TAF3: variants seen among roughly 807,000 people sequenced by gnomAD.
The protein encoded by TAF3 is transcription initiation factor TFIID subunit 3.
Under a neutral mutation model 80.6 loss-of-function variants are expected in TAF3, and 7 were observed. That is an observed-to-expected ratio of 0.09 (90% CI 0.05 to 0.16). The LOEUF (loss-of-function observed/expected upper bound fraction) is 0.16. Among genes scored for constraint, TAF3 ranks in the 10% least tolerant of loss-of-function variants. The pLI, the probability that TAF3 is intolerant of heterozygous loss-of-function variation, is 1.00. For missense variants in TAF3, 921 were observed against 1,140.2 expected (o/e 0.81, Z 2.77); for synonymous variants, 444 against 446.1 (o/e 1.00, Z 0.06).
At chr10:7,843,529 A>T (rs1389108669) in intron 2 of TAF3, among the ~76,000 whole-genome samples, 1 of 152,046 alleles carries the variant, frequency 6.6e-6, no homozygotes, top group African/African-American at 2.4e-5. Context: ...CATATTGAAG[A>T]TGTTTTATTT....
At chr10:7,957,317 G>T (rs1393203407) in intron 2 of TAF3, among the ~76,000 whole-genome samples, 2 of 152,138 alleles carry the variant, frequency 1.3e-5, no homozygotes, top group African/African-American at 4.8e-5. Flanking sequence ...AGACGGCTGA[G>T]GTGAATTCAC....
At chr10:7,986,293 A>G (rs368245940) in intron 4 of TAF3, among the ~76,000 whole-genome samples, 3 of 152,164 alleles carry the variant, frequency 2.0e-5, no homozygotes, top group Admixed American at 6.5e-5. Flanking sequence ...TAATCTGCCA[A>G]GTTACTGGAA....
At chr10:7,909,038 G>A (rs906972406) in intron 2 of TAF3, among the ~76,000 whole-genome samples, 2 of 152,240 alleles carry the variant, frequency 1.3e-5, no homozygotes, top group Non-Finnish European at 1.5e-5. Flanking sequence ...CAAAGGTCAG[G>A]AGGGAGACAT....
intron 2 of TAF3, among the ~76,000 whole-genome samples, chr10:7,962,716 C>G (rs1012227455): frequency 6.6e-6 from 1 of 152,220 alleles, no homozygotes; most frequent in Non-Finnish European, 1.5e-5. Context: ...CATGATTGAC[C>G]TCGCTGAGAT....
intron 4 of TAF3, among the ~76,000 whole-genome samples, chr10:7,979,284 C>G (rs1355676602): frequency 6.8e-6 from 1 of 146,282 alleles, no homozygotes; most frequent in African/African-American, 2.5e-5. Context: ...GCGGAGCTTT[C>G]TGTGAGCTGA....
intron 2 of TAF3, among the ~76,000 whole-genome samples, chr10:7,832,645 G>GTT (rs1183639446): frequency 6.6e-6 from 1 of 152,136 alleles, no homozygotes; most frequent in Non-Finnish European, 1.5e-5. Flanking sequence ...CTAGGTTCAA[G>GTT]TTTAAGTGAT....
intron 3 of TAF3, among the ~76,000 whole-genome samples, 174 bp from the exon 4 acceptor site, chr10:7,977,067 C>T (rs1171356894): frequency 6.6e-6 from 1 of 152,160 alleles, no homozygotes; most frequent in East Asian, 1.9e-4. Flanking sequence ...TCTCATGATG[C>T]CAGGTAGCCT....
chr10:8,013,753 A>G lies in TAF3; in HGVS notation c.2591A>G (p.Gln864Arg). Residue 864 changes from glutamine to arginine, a missense_variant, in exon 6 of 7, where the codon CAG becomes CGG. Coordinates refer to ENST00000344293, the MANE Select transcript of TAF3 (RefSeq NM_031923.4). ...TYVIRDEWGN[Q>R]IWICPGCNKP... ...CAGATCCGAGATGAGTGGGGCAATC[A>G]GATCTGGATCTGCCCTGGGTGTAAC... 6.2e-7 allele frequency: 1 copy of G among 1,614,012 alleles called. No homozygotes were observed. Among genetic ancestry groups the G allele is most frequent in the Non-Finnish European group, 8.5e-7 (1 of 1,179,984 alleles).
At position 7,884,392 on chromosome 10, in the gene TAF3, CT is replaced by C. The variant is rs61498355; in HGVS notation, c.409+59843del. ...CCGTTTCTCCAAAGAGCTCTGCCTC[CT>C]TTTTTTTTTTGAGATGGAGTTTTGC... On this transcript the variant is annotated intron_variant, in intron 2 of 6. Coordinates refer to ENST00000344293, the MANE Select transcript of TAF3 (RefSeq NM_031923.4). Among the ~76,000 whole-genome samples the C allele has an allele frequency of 2.7e-3, 324 of 120,436 alleles. 7 individuals carry two copies. The highest frequency in any genetic ancestry group is 7.8e-3 in the African/African-American group (274 of 35,012). The allele number at this position is 120,436 out of a possible 152,430, so 79.0% of individuals were successfully genotyped here. A position where few individuals can be genotyped will look rare whatever the true frequency, so the allele number is the denominator to read the frequency against.
chr10:7,882,608 G>A (rs1174354368), intron 2 of TAF3, among the ~76,000 whole-genome samples: 1 of 152,142 alleles, frequency 6.6e-6, no homozygotes, highest in Non-Finnish European at 1.5e-5. Context: ...GGGTATACTT[G>A]GACTCAACAT....
intron 2 of TAF3, among the ~76,000 whole-genome samples, chr10:7,935,926 G>T (rs1285172647): frequency 6.6e-6 from 1 of 152,144 alleles, no homozygotes; most frequent in Non-Finnish European, 1.5e-5. Flanking sequence ...GGGAAGCTCG[G>T]GGAAGCCCTG....
At chr10:7,915,599 C>T (rs1285553148) in intron 2 of TAF3, among the ~76,000 whole-genome samples, 7 of 145,728 alleles carry the variant, frequency 4.8e-5, no homozygotes, top group African/African-American at 7.7e-5. Context: ...GTTGAGATCG[C>T]GCCACTGCAC....
chr10:7,916,999 T>G (rs1454202055), intron 2 of TAF3, among the ~76,000 whole-genome samples: 1 of 152,198 alleles, frequency 6.6e-6, no homozygotes, highest in East Asian at 1.9e-4. Context: ...GGGATCTGGG[T>G]TCAGAGCCTC....
At chr10:7,942,141 T>G (rs1837982106) in intron 2 of TAF3, among the ~76,000 whole-genome samples, 1 of 152,212 alleles carries the variant, frequency 6.6e-6, no homozygotes, top group South Asian at 2.1e-4. Flanking sequence ...TATGTTCTTA[T>G]AATTCTGATT....
chr10:7,927,925 G>A (rs553799400), intron 2 of TAF3, among the ~76,000 whole-genome samples: 1 of 152,076 alleles, frequency 6.6e-6, no homozygotes, highest in South Asian at 2.1e-4. Context: ...GAATTACAGG[G>A]TCAAGATTTT....
chr10:7,979,544 A>G (rs1382816053), intron 4 of TAF3, among the ~76,000 whole-genome samples: 1 of 152,124 alleles, frequency 6.6e-6, no homozygotes, highest in Non-Finnish European at 1.5e-5. Context: ...AAATTATAAC[A>G]CCCAGGTATT....
intron 2 of TAF3, among the ~76,000 whole-genome samples, chr10:7,880,839 C>T (rs1042028357): frequency 1.3e-5 from 2 of 152,146 alleles, no homozygotes; most frequent in African/African-American, 2.4e-5. Context: ...TATATTTAAA[C>T]GATATACCTA....
chr10:7,990,865 C>T (rs924763230), intron 4 of TAF3, among the ~76,000 whole-genome samples: 4 of 152,134 alleles, frequency 2.6e-5, no homozygotes, highest in African/African-American at 9.7e-5. Flanking sequence ...CAGGCTGACT[C>T]ACTGTCCTGC....
rs532357724 is a variant in TAF3, at chr10:7,902,198, C to T, written c.410-61722C>T. ...CAGCACTTTGGGAGGCTGAGGCAGG[C>T]GAATCACTTGAGGTCGGGAGTTCGA... On this transcript the variant is annotated intron_variant, in intron 2 of 6. Coordinates refer to ENST00000344293, the MANE Select transcript of TAF3 (RefSeq NM_031923.4). 6.6e-5 allele frequency among the ~76,000 whole-genome samples: 10 copies of T among 151,854 alleles called. No individual in the cohort carries two copies. The South Asian group carries it at 8.3e-4, about 13-fold the overall frequency.
Sources: gnomAD v4.1 joint callset for allele counts (sites outside exome capture counted in the v4.1 genomes callset) on GRCh38, gnomAD v4.1.1 for gene constraint, MANE v1.5 for transcripts, NCBI Gene and HGNC (gene_info 2026-07-23, HGNC 2026-07-21) for gene names.